The following TXNDC8 variants were observed in gnomAD, a reference collection of about 807,000 sequenced individuals.
TXNDC8 encodes thioredoxin domain-containing protein 8.
In TXNDC8, 15 loss-of-function variants were observed where a neutral mutation model predicts 12.9. The observed-to-expected ratio is 1.16, with a 90% CI of 0.78 to 1.79. The LOEUF is 1.79. TXNDC8 is among the 40% of genes most tolerant of loss of function. The pLI is 0.00. For missense variants in TXNDC8, 128 were observed against 113.2 expected (o/e 1.13, Z -0.59); for synonymous variants, 40 against 35.4 (o/e 1.13, Z -0.46).
At chr9:110,301,542 C>A (rs1470103721), downstream of TXNDC8, among the ~76,000 whole-genome samples, 1 of 151,966 alleles carries the variant, frequency 6.6e-6, no homozygotes, top group African/African-American at 2.4e-5. Context: ...ATAATAGGAG[C>A]AAAATTGCCT....
chr9:110,324,429 A>C (rs1839227474), intron 3 of TXNDC8, among the ~76,000 whole-genome samples: 1 of 152,252 alleles, frequency 6.6e-6, no homozygotes, highest in Non-Finnish European at 1.5e-5. Flanking sequence ...TGAAAATAAA[A>C]TTCTGCAGCT....
chr9:110,334,277 G>A lies in TXNDC8; in HGVS notation c.68C>T (p.Ala23Val). Residue 23 changes from alanine to valine, a missense_variant, in exon 2 of 5, where the codon GCA (alanine) becomes GTA (valine). Physicochemically the swap from Ala to Val is moderately conservative, Grantham distance 64. Transcript: ENST00000423740. ...CCGTTTCGAAGAAAATTGAACCACT[G>A]CGAGTTTGTGTCCGGCAGCTGTCAA... 2 of 1,613,918 alleles carry A rather than the reference G, an allele frequency of 1.2e-6. No individual in the cohort carries two copies. Among genetic ancestry groups the A allele is most frequent in the Non-Finnish European group, 8.5e-7 (1 of 1,179,836 alleles).
At chr9:110,336,574 G>A (rs777843858) in intron 1 of TXNDC8, among the ~76,000 whole-genome samples, 7 of 152,182 alleles carry the variant, frequency 4.6e-5, no homozygotes, top group South Asian at 2.1e-4. Context: ...TAACATATGC[G>A]TATTGAGGCC....
intron 1 of TXNDC8, among the ~76,000 whole-genome samples, chr9:110,337,250 T>G (rs1480595922): frequency 6.6e-6 from 1 of 152,184 alleles, no homozygotes; most frequent in African/African-American, 2.4e-5. Flanking sequence ...TTAAACGAAC[T>G]AGCCCTGAAC....
Position 110,334,226 on chromosome 9 carries a change from G to T in TXNDC8, c.119C>A (p.Pro40His), listed in dbSNP as rs201918722. 7 of 1,611,690 alleles carry T rather than the reference G, an allele frequency of 4.3e-6. No homozygotes were observed. The South Asian group carries it at 7.7e-5, about 18-fold the overall frequency. ...ACTGGTTGTACTCACATGGAAAACAGGAAACATCCTTTTGCAGGGACCACA... is the reference window on the plus strand; with the variant it reads ...ACTGGTTGTACTCACATGGAAAACATGAAACATCCTTTTGCAGGGACCACA... Residue 40 changes from proline (P) to histidine (H), a missense_variant, in exon 2 of 5, where the codon CCT becomes CAT. Coordinates refer to ENST00000423740, the MANE Select transcript of TXNDC8 (RefSeq NM_001286946.2).
At chr9:110,311,463 CA>C (rs1838658817) in intron 3 of TXNDC8, among the ~76,000 whole-genome samples, 2 of 114,438 alleles carry the variant, frequency 1.7e-5, no homozygotes, top group Non-Finnish European at 3.7e-5. Flanking sequence ...ATGTATAAAA[CA>C]AGGTAAAAGA....
downstream of TXNDC8, among the ~76,000 whole-genome samples, chr9:110,301,240 A>T (rs919060817): frequency 2.0e-5 from 3 of 152,224 alleles, no homozygotes; most frequent in Non-Finnish European, 2.9e-5. Flanking sequence ...ACTTCAGACC[A>T]GGCAGTATTT....
intron 3 of TXNDC8, among the ~76,000 whole-genome samples, chr9:110,304,817 G>A (rs935277549): frequency 6.6e-6 from 1 of 152,128 alleles, no homozygotes; most frequent in African/African-American, 2.4e-5. Flanking sequence ...GACTTGGCAG[G>A]AAACATAATA....
At chr9:110,302,139 A>G (rs1394322055), downstream of TXNDC8, among the ~76,000 whole-genome samples, 1 of 151,152 alleles carries the variant, frequency 6.6e-6, no homozygotes, top group Non-Finnish European at 1.5e-5. Flanking sequence ...ACAGGCATGA[A>G]CTACCATGTC....
intron 3 of TXNDC8, 112 bp downstream of exon 4, chr9:110,326,063 G>A (rs1839305372): frequency 2.0e-6 from 2 of 988,466 alleles, no homozygotes; most frequent in Admixed American, 2.0e-5. Context: ...ATATTGGTAA[G>A]CATTAAAAAT....
intron 2 of TXNDC8, among the ~76,000 whole-genome samples, chr9:110,327,542 T>C (rs185919639): frequency 6.6e-6 from 1 of 152,134 alleles, no homozygotes; most frequent in Admixed American, 6.6e-5. Flanking sequence ...AGGCTGGTCT[T>C]GAACTCCTGA....
chr9:110,311,521 GTATATATATATATATATATA>G (rs66474968), intron 3 of TXNDC8, among the ~76,000 whole-genome samples: 551 of 41,238 alleles, frequency 0.013, 13 homozygotes, highest in Middle Eastern at 0.031. Flanking sequence ...AAATAAAGAG[GTATATATATATATATATATA>G]TATATATATA....
At chr9:110,335,399 G>T (rs545981593) in intron 1 of TXNDC8, among the ~76,000 whole-genome samples, 2 of 152,182 alleles carry the variant, frequency 1.3e-5, no homozygotes, top group South Asian at 4.1e-4. Context: ...ACCCCGCCCA[G>T]CCTGCGTGTC....
chr9:110,334,219 G>C lies in TXNDC8; in HGVS notation c.126C>G (p.Phe42Leu), dbSNP rs1412573276. The C allele has an allele frequency of 6.2e-7, 1 of 1,610,380 alleles. No individual in the cohort carries two copies. Among genetic ancestry groups the C allele is most frequent in the South Asian group, 1.1e-5 (1 of 90,882 alleles). Reference sequence around the variant, plus strand: ...GATATATACTGGTTGTACTCACATGGAAAACAGGAAACATCCTTTTGCAGG... The same window carrying C: ...GATATATACTGGTTGTACTCACATGCAAAACAGGAAACATCCTTTTGCAGG... Residue 42 changes from phenylalanine to leucine, a missense_variant, in exon 2 of 5, where the codon TTC becomes TTG. Coordinates refer to ENST00000423740, the MANE Select transcript of TXNDC8 (RefSeq NM_001286946.2).
chr9:110,314,520 C>T (rs1587962455), intron 3 of TXNDC8, among the ~76,000 whole-genome samples: 1 of 150,898 alleles, frequency 6.6e-6, no homozygotes, highest in East Asian at 1.9e-4. Context: ...GCAAGCTCCG[C>T]CTCCTGGGTT....
downstream of TXNDC8, among the ~76,000 whole-genome samples, chr9:110,301,803 G>A (rs1838275877): frequency 6.6e-6 from 1 of 152,142 alleles, no homozygotes; most frequent in South Asian, 2.1e-4. Flanking sequence ...CTAATCTCAT[G>A]TGAAGGCTGA....
downstream of TXNDC8, among the ~76,000 whole-genome samples, chr9:110,301,265 C>A (rs1013326739): frequency 3.9e-5 from 6 of 152,144 alleles, no homozygotes; most frequent in African/African-American, 1.4e-4. Context: ...CCCAGAGAAC[C>A]AGTTGTTAAA....
chr9:110,319,134 C>T (rs986389888), intron 3 of TXNDC8, among the ~76,000 whole-genome samples: 1 of 152,148 alleles, frequency 6.6e-6, no homozygotes, highest in Non-Finnish European at 1.5e-5. Flanking sequence ...TTGATAGGAA[C>T]CCCTTTTAGG....
intron 1 of TXNDC8, among the ~76,000 whole-genome samples, chr9:110,335,532 TACA>T (rs1351546797): frequency 1.3e-5 from 2 of 152,236 alleles, no homozygotes; most frequent in African/African-American, 2.4e-5. Context: ...CCATAATCTT[TACA>T]ACAACACTAC....
Sources: gnomAD v4.1 joint callset for allele counts (sites outside exome capture counted in the v4.1 genomes callset) on GRCh38, gnomAD v4.1.1 for gene constraint, MANE v1.5 for transcripts, NCBI Gene and HGNC (gene_info 2026-07-23, HGNC 2026-07-21) for gene names.